The following PTPRK variants were observed in gnomAD, a reference collection of about 807,000 sequenced individuals.
PTPRK encodes the protein protein tyrosine phosphatase receptor type K.
In PTPRK, 75 loss-of-function variants were observed where a neutral mutation model predicts 178.0. The observed-to-expected ratio is 0.42, with a 90% confidence interval of 0.35 to 0.51. The LOEUF is 0.51. Among genes scored for constraint, PTPRK ranks in the 20% least tolerant of loss-of-function variants. PTPRK has a pLI of 0.02. For synonymous variants in PTPRK, 637 were observed against 620.6 expected, an observed-to-expected ratio of 1.03 and a Z score of -0.39; for missense variants, 1,441 against 1,797.8, an observed-to-expected ratio of 0.80 and a Z score of 3.59.
intron 13 of PTPRK, among the ~76,000 whole-genome samples, chr6:128,043,948 C>A (rs1435751410): frequency 6.6e-6 from 1 of 151,790 alleles, no homozygotes; most frequent in Non-Finnish European, 1.5e-5. Context: ...AAAAGTAGGG[C>A]AAATGCTTTT....
intron 3 of PTPRK, among the ~76,000 whole-genome samples, chr6:128,318,250 T>G (rs889375083): frequency 6.6e-6 from 1 of 152,190 alleles, no homozygotes; most frequent in Middle Eastern, 3.2e-3. Context: ...AGGCTTTTTA[T>G]TCAAGTAAAA....
chr6:128,423,081 G>A (rs1843689596), intron 1 of PTPRK, among the ~76,000 whole-genome samples: 1 of 152,230 alleles, frequency 6.6e-6, no homozygotes. Flanking sequence ...TAATGCAACA[G>A]CTGCGATTAG....
At chr6:128,435,098 AAGGAAGGAAGGC>A (rs1309345976) in intron 1 of PTPRK, among the ~76,000 whole-genome samples, 2,384 of 76,832 alleles carry the variant, frequency 0.031, 101 homozygotes, top group South Asian at 0.055. Flanking sequence ...GGAAGGAAGG[AAGGAAGGAAGGC>A]AGGAAGGCAG....
intron 7 of PTPRK, among the ~76,000 whole-genome samples, chr6:128,123,932 G>A (rs1021556760): frequency 1.3e-5 from 2 of 152,012 alleles, no homozygotes; most frequent in Admixed American, 6.6e-5. Context: ...CAGCAAGAGC[G>A]TATACTAACA....
intron 7 of PTPRK, among the ~76,000 whole-genome samples, chr6:128,092,635 T>A (rs988304075): frequency 6.6e-6 from 1 of 152,196 alleles, no homozygotes; most frequent in African/African-American, 2.4e-5. Flanking sequence ...CTGAATACTA[T>A]TCACTTAGAC....
Position 128,519,197 on chromosome 6 carries a change from G to A in PTPRK, c.100+1062C>T, listed in dbSNP as rs969553379. ...ACTGGCGGGAGGTAGACAAGTGCTC[G>A]GGAGCCCGCTCCCCAGCGTCCACCT... On this transcript the variant is annotated intron_variant, in intron 1 of 29. Transcript: ENST00000368226. This position sits in a 1 kb window ranked among gnomAD's most constrained non-coding sequence, Gnocchi z 4.3. 16 of 457,424 alleles carry A rather than the reference G, an allele frequency of 3.5e-5. No homozygotes were observed. Among genetic ancestry groups the A allele is most frequent in the African/African-American group, 8.1e-5 (4 of 49,324 alleles). The allele number at this position is 457,424 out of a possible 1,614,324, so 28.3% of individuals were successfully genotyped here. A position where few individuals can be genotyped will look rare whatever the true frequency, so the allele number is the denominator to read the frequency against.
chr6:128,416,320 C>G (rs1279390407), intron 1 of PTPRK, among the ~76,000 whole-genome samples: 3 of 151,708 alleles, frequency 2.0e-5, no homozygotes, highest in Admixed American at 2.0e-4. Flanking sequence ...TGGGCAGGAT[C>G]AAGTTGAAGG....
At chr6:128,184,373 T>G in intron 7 of PTPRK, 59 bp downstream of exon 7, 1 of 1,509,320 alleles carries the variant, frequency 6.6e-7, no homozygotes, top group Non-Finnish European at 9.1e-7. Context: ...CTGCATGTAT[T>G]AATGTGTCTT....
chr6:128,027,745 C>G (rs2114784366), intron 13 of PTPRK: 1 of 152,322 alleles, frequency 6.6e-6, no homozygotes, highest in Admixed American at 6.5e-5. Flanking sequence ...CAGGCGTGTG[C>G]CACTGTGCCT....
intron 1 of PTPRK, among the ~76,000 whole-genome samples, chr6:128,506,907 T>C (rs1249894719): frequency 1.3e-5 from 2 of 152,132 alleles, no homozygotes; most frequent in African/African-American, 2.4e-5. Context: ...TGAGATTAGA[T>C]ATTCTGCAAA....
At chr6:128,320,897 C>G (rs529064408) in intron 3 of PTPRK, 6 of 152,096 alleles carry the variant, frequency 3.9e-5, no homozygotes, top group African/African-American at 1.4e-4. Flanking sequence ...CCTTATGCTC[C>G]GGAATAATAG....
intron 2 of PTPRK, among the ~76,000 whole-genome samples, chr6:128,393,089 C>CTTTTTTTTT (rs755172831): frequency 8.0e-6 from 1 of 124,898 alleles, no homozygotes. Context: ...TTCATAAGGA[C>CTTTTTTTTT]TTTTTTTTTT....
chr6:128,493,390 G>A (rs182720392), intron 1 of PTPRK, among the ~76,000 whole-genome samples: 524 of 151,964 alleles, frequency 3.4e-3, no homozygotes, highest in African/African-American at 0.011. Context: ...GTGAAACCCT[G>A]TCTCTACTAA....
chr6:128,108,378 G>A (rs550414843), intron 7 of PTPRK, among the ~76,000 whole-genome samples: 2 of 152,136 alleles, frequency 1.3e-5, no homozygotes, highest in South Asian at 4.2e-4. Context: ...GAGGCAACAA[G>A]GTACGTACTA....
chr6:128,392,155 C>T (rs546737874), intron 2 of PTPRK, among the ~76,000 whole-genome samples: 19 of 152,266 alleles, frequency 1.2e-4, no homozygotes, highest in African/African-American at 4.1e-4. Flanking sequence ...CAGAAAAACA[C>T]TTAGAGACAT....
chr6:128,029,256 G>T (rs1483779803), intron 13 of PTPRK, among the ~76,000 whole-genome samples: 2 of 152,044 alleles, frequency 1.3e-5, no homozygotes, highest in African/African-American at 2.4e-5. Flanking sequence ...TTCACCTTCT[G>T]CCATGATTGT....
intron 3 of PTPRK, among the ~76,000 whole-genome samples, chr6:128,249,283 T>A (rs1816044219): frequency 1.3e-5 from 2 of 148,800 alleles, no homozygotes; most frequent in Admixed American, 6.7e-5. Context: ...TCAAAATCTA[T>A]CATGTGGTGT....
chr6:128,113,985 T>C (rs960313759), intron 7 of PTPRK, among the ~76,000 whole-genome samples: 1 of 152,104 alleles, frequency 6.6e-6, no homozygotes, highest in Admixed American at 6.6e-5. Flanking sequence ...TGACAACATA[T>C]AACAAGAAAG....
chr6:128,240,482 T>C (rs1814212062), intron 4 of PTPRK, among the ~76,000 whole-genome samples: 2 of 151,142 alleles, frequency 1.3e-5, no homozygotes, highest in Admixed American at 6.7e-5. Flanking sequence ...AACTTACAAG[T>C]CAAAGCAACC....
Sources: gnomAD v4.1 joint callset for allele counts (sites outside exome capture counted in the v4.1 genomes callset) on GRCh38, gnomAD v4.1.1 for gene constraint, Gnocchi (gnomAD v3.1) non-coding constraint, MANE v1.5 for transcripts, NCBI Gene and HGNC (gene_info 2026-07-23, HGNC 2026-07-21) for gene names.